Variants in WWOX observed in about 807,000 individuals in gnomAD.
WWOX encodes the protein WW domain containing oxidoreductase.
In WWOX, 69 loss-of-function variants were observed where a neutral mutation model predicts 46.2. The observed-to-expected ratio is 1.49, with a 90% CI of 1.23 to 1.82. WWOX has a LOEUF of 1.82. WWOX is among the 40% of genes most tolerant of loss of function. The pLI, the probability that WWOX is intolerant of heterozygous loss-of-function variation, is 0.00. For missense variants in WWOX, 919 were observed against 542.6 expected (o/e 1.69, Z -6.89); for synonymous variants, 359 against 202.6 (o/e 1.77, Z -6.56).
chr16:79,170,750 A>C lies in WWOX; in HGVS notation c.1057-40858A>C, dbSNP rs2050684882. Reference sequence around the variant, plus strand: ...TTTTTTTCTTTTTCTGTATGTTTCTAAATTTAGAAGTTACATTTACAAGGA... The same window carrying C: ...TTTTTTTCTTTTTCTGTATGTTTCTCAATTTAGAAGTTACATTTACAAGGA... On this transcript the variant is annotated intron_variant, in intron 8 of 8. Coordinates refer to ENST00000566780, the MANE Select transcript of WWOX (RefSeq NM_016373.4). 2.0e-5 allele frequency among the ~76,000 whole-genome samples: 3 copies of C among 151,896 alleles called. No individual in the cohort carries two copies. The South Asian group carries it at 6.2e-4, about 31-fold the overall frequency.
intron 8 of WWOX, among the ~76,000 whole-genome samples, chr16:78,740,882 AC>A (rs1487351044): frequency 6.6e-6 from 1 of 151,822 alleles, no homozygotes; most frequent in Non-Finnish European, 1.5e-5. Flanking sequence ...TCCTTTGTCT[AC>A]TCACCAGCCC....
intron 8 of WWOX, chr16:78,895,384 A>C (rs921160116): frequency 6.6e-6 from 1 of 152,182 alleles, no homozygotes; most frequent in African/African-American, 2.4e-5. Context: ...TTCACTGAAG[A>C]GGATTTGAGT....
At position 79,006,254 on chromosome 16, in the gene WWOX, G is replaced by C. The variant is rs147227743; in HGVS notation, c.1057-205354G>C. 1.3e-3 allele frequency among the ~76,000 whole-genome samples: 201 copies of C among 152,274 alleles called. 1 individual carries two copies. The highest frequency in any genetic ancestry group is 4.7e-3 in the African/African-American group (195 of 41,550). On this transcript the variant is annotated intron_variant, in intron 8 of 8. Coordinates refer to ENST00000566780, the MANE Select transcript of WWOX (RefSeq NM_016373.4). ...AGTGGCATTTGATGAGTTGCACAAA[G>C]AGGAGACCTGTCCTGGGAATGGAGG...
At chr16:79,163,137 T>TTG (rs1284583447) in intron 8 of WWOX, among the ~76,000 whole-genome samples, 16 of 152,152 alleles carry the variant, frequency 1.1e-4, no homozygotes, top group African/African-American at 3.9e-4. Context: ...ATTGTGTGTG[T>TTG]TTACTTGGAG....
At chr16:78,737,239 A>T (rs2049112797) in intron 8 of WWOX, among the ~76,000 whole-genome samples, 1 of 151,856 alleles carries the variant, frequency 6.6e-6, no homozygotes, top group Non-Finnish European at 1.5e-5. Context: ...AGCTGGAATT[A>T]CAAGCGCCCG....
At chr16:78,992,353 G>C (rs2046905144) in intron 8 of WWOX, among the ~76,000 whole-genome samples, 1 of 152,092 alleles carries the variant, frequency 6.6e-6, no homozygotes, top group South Asian at 2.1e-4. Context: ...TGCAATCCCA[G>C]CTACTCTGGA....
intron 8 of WWOX, among the ~76,000 whole-genome samples, chr16:79,064,973 C>T (rs1278942216): frequency 6.6e-6 from 1 of 152,140 alleles, no homozygotes; most frequent in Non-Finnish European, 1.5e-5. Context: ...ATGGATGCCC[C>T]TGAGCACCTG....
At chr16:78,995,736 A>C (rs1200056713) in intron 8 of WWOX, among the ~76,000 whole-genome samples, 2 of 152,208 alleles carry the variant, frequency 1.3e-5, no homozygotes, top group Admixed American at 6.5e-5. Flanking sequence ...GTCTTCAATA[A>C]ATCACTATAA....
At chr16:78,869,565 G>T (rs2044081585) in intron 8 of WWOX, among the ~76,000 whole-genome samples, 1 of 152,198 alleles carries the variant, frequency 6.6e-6, no homozygotes, top group South Asian at 2.1e-4. Flanking sequence ...ACAGCCGATT[G>T]AAGTGCTGTG....
chr16:78,368,450 A>G (rs2081591038), intron 5 of WWOX, among the ~76,000 whole-genome samples: 1 of 152,152 alleles, frequency 6.6e-6, no homozygotes, highest in Non-Finnish European at 1.5e-5. Flanking sequence ...CTGATGTACC[A>G]AATGTAGTAA....
At chr16:78,134,492 T>C (rs2033721115) in intron 4 of WWOX, among the ~76,000 whole-genome samples, 1 of 152,182 alleles carries the variant, frequency 6.6e-6, no homozygotes, top group African/African-American at 2.4e-5. Flanking sequence ...ATTTTTCCTT[T>C]TCATTACTTC....
At chr16:78,505,579 C>T (rs574555477) in intron 8 of WWOX, among the ~76,000 whole-genome samples, 13 of 152,266 alleles carry the variant, frequency 8.5e-5, no homozygotes, top group Non-Finnish European at 1.2e-4. Context: ...GCGCCCAGTG[C>T]CCTACCTCTT....
In WWOX at chr16:79,164,478, A is replaced by T. The variant is rs191668444; in HGVS notation, c.1057-47130A>T. The stretch of plus-strand genomic sequence containing the variant: ...GGGTTTAAATGAAGGATGTTCATTC[A>T]GGCAGGGATGGGGGGATGGGGGGAG... On this transcript the variant is annotated intron_variant, in intron 8 of 8. Coordinates refer to ENST00000566780, the MANE Select transcript of WWOX (RefSeq NM_016373.4). 2.1e-4 allele frequency among the ~76,000 whole-genome samples: 32 copies of T among 151,564 alleles called. No homozygotes were observed. The East Asian group carries it at 5.2e-3, about 25-fold the overall frequency.
intron 5 of WWOX, among the ~76,000 whole-genome samples, chr16:78,211,235 C>G (rs1308007552): frequency 6.6e-6 from 1 of 152,172 alleles, no homozygotes; most frequent in Non-Finnish European, 1.5e-5. Context: ...TGTTACTTCT[C>G]AAGAAGGCGA....
chr16:78,127,071 C>T (rs2033392921), intron 4 of WWOX, among the ~76,000 whole-genome samples: 1 of 152,188 alleles, frequency 6.6e-6, no homozygotes, highest in South Asian at 2.1e-4. Context: ...AACACTGACT[C>T]TGGAAGCAGA....
intron 6 of WWOX, among the ~76,000 whole-genome samples, chr16:78,407,096 C>G (rs1597181491): frequency 1.3e-5 from 2 of 152,298 alleles, no homozygotes; most frequent in East Asian, 1.9e-4. Flanking sequence ...TCAGTGTATA[C>G]TGCCATCCAT....
intron 8 of WWOX, among the ~76,000 whole-genome samples, chr16:78,560,543 C>G (rs1326551430): frequency 6.6e-6 from 1 of 152,096 alleles, no homozygotes; most frequent in African/African-American, 2.4e-5. Context: ...ACTTGGGAGG[C>G]TGAGGCAGGA....
At chr16:78,778,444 C>G (rs999902536) in intron 8 of WWOX, among the ~76,000 whole-genome samples, 19 of 152,180 alleles carry the variant, frequency 1.2e-4, no homozygotes, top group Admixed American at 1.2e-3. Flanking sequence ...ATGATTGATG[C>G]ATGTGTTGTT....
intron 8 of WWOX, among the ~76,000 whole-genome samples, chr16:78,590,561 A>G (rs931253378): frequency 6.6e-6 from 1 of 152,258 alleles, no homozygotes; most frequent in Non-Finnish European, 1.5e-5. Flanking sequence ...ATTTCTTGAT[A>G]CTTGTTAACA....
Sources: gnomAD v4.1 joint callset for allele counts (sites outside exome capture counted in the v4.1 genomes callset) on GRCh38, gnomAD v4.1.1 for gene constraint, MANE v1.5 for transcripts, NCBI Gene and HGNC (gene_info 2026-07-23, HGNC 2026-07-21) for gene names.